HTT: variants seen among roughly 807,000 people sequenced by gnomAD.
HTT encodes huntington disease protein.
HTT carries 104 observed loss-of-function variants against 362.3 expected under a neutral mutation model. The ratio of observed to expected loss-of-function variants is 0.29; its 90% CI spans 0.24 to 0.34. The LOEUF is 0.34. HTT is among the 10% of genes least tolerant of loss of function. The probability of loss-of-function intolerance (pLI) is 1.00; values close to 1 mark genes in which losing one functional copy is unlikely to be tolerated. For missense variants in HTT, 3,301 were observed against 3,928.6 expected (o/e 0.84, Z 4.27); for synonymous variants, 1,577 against 1,548.7 (o/e 1.02, Z -0.43).
At chr4:3,175,138 C>T (rs200934142) in intron 33 of HTT, 31 bp downstream of exon 33, 169 of 1,583,780 alleles carry the variant, frequency 1.1e-4, no homozygotes, top group Non-Finnish European at 1.4e-4. Context: ...ATCCATCATA[C>T]CTGTTCCTAA....
chr4:3,156,994 T>C (rs1053773940), intron 27 of HTT, 78 bp from the exon 28 acceptor site: 1 of 1,201,966 alleles, frequency 8.3e-7, no homozygotes, highest in East Asian at 2.4e-5. Flanking sequence ...TAAAAAATCA[T>C]GATTTCCAGT....
chr4:3,188,907 T>C (rs750845253), intron 39 of HTT, 44 bp from the exon 40 acceptor site: 9 of 1,590,714 alleles, frequency 5.7e-6, no homozygotes, highest in Non-Finnish European at 6.0e-6. Flanking sequence ...AAGTGCTTTA[T>C]AGTAGTCACC....
At chr4:3,236,338 C>T in intron 64 of HTT, 84 bp downstream of exon 64, 3 of 937,878 alleles carry the variant, frequency 3.2e-6, no homozygotes, top group Non-Finnish European at 5.3e-6. Flanking sequence ...GTCTGCTGAT[C>T]CCCTGGCGCT....
At chr4:3,182,851 T>C (rs1243180821) in intron 37 of HTT, among the ~76,000 whole-genome samples, 1 of 152,188 alleles carries the variant, frequency 6.6e-6, no homozygotes, top group African/African-American at 2.4e-5. Context: ...TTTTGTTACC[T>C]TACTGCTTGT....
rs2298970 is a variant in HTT at position 3,185,116 on chromosome 4, A to G, written c.4867-1481A>G. On this transcript the variant is annotated intron_variant, in intron 37 of 66. Transcript: ENST00000355072. ...GGAGAGAGACTTGGGAAAAGGTTTT[A>G]CTTGAAGAGGGAACGGAGAAATAGG... 1.1e-4 allele frequency among the ~76,000 whole-genome samples: 16 copies of G among 152,282 alleles called. No homozygotes were observed. In the East Asian group the frequency reaches 3.1e-3, roughly 29 times the overall value.
chr4:3,229,522 G>A (rs1356861786), intron 59 of HTT, among the ~76,000 whole-genome samples: 1 of 129,702 alleles, frequency 7.7e-6, no homozygotes, highest in Non-Finnish European at 1.6e-5. Context: ...CCACACACAT[G>A]TACGCACCAC....
In HTT at chr4:3,188,905, T is replaced by C. The variant is rs189897787; in HGVS notation, c.5226-46T>C. 3.2e-4 allele frequency: 501 copies of C among 1,588,596 alleles called. No individual in the cohort carries two copies. In the African/African-American group the frequency reaches 5.8e-3, roughly 18 times the overall value. On this transcript the variant is annotated intron_variant, in intron 39 of 66. Coordinates refer to ENST00000355072, the MANE Select transcript of HTT (RefSeq NM_001388492.1). Reference sequence around the variant, plus strand: ...TCATGTATACTTGGCGTAAGTGCTTTATAGTAGTCACCTAATTCACTGTCA... The same window carrying C: ...TCATGTATACTTGGCGTAAGTGCTTCATAGTAGTCACCTAATTCACTGTCA...
At chr4:3,150,536 C>T (rs1490029822) in intron 26 of HTT, among the ~76,000 whole-genome samples, 1 of 152,172 alleles carries the variant, frequency 6.6e-6, no homozygotes, top group South Asian at 2.1e-4. Context: ...TTCTGTCCTC[C>T]TCCCCACATC....
At chr4:3,099,068 A>T (rs570518138) in intron 2 of HTT, among the ~76,000 whole-genome samples, 1 of 152,296 alleles carries the variant, frequency 6.6e-6, no homozygotes, top group Non-Finnish European at 1.5e-5. Context: ...TATCATCCTA[A>T]TTTAGTGTGA....
In HTT at chr4:3,206,610, C is replaced by G; in HGVS notation, c.5833C>G (p.Arg1945Gly). The change falls in exon 43 of 67, where the codon CGG becomes GGG. Residue 1945 changes from arginine to glycine, a missense_variant. This residue lies in a region of HTT where 2,316 missense variants were observed against 2,658.5 expected (regional missense o/e 0.87). Transcript: ENST00000355072. This position sits in a 1 kb window ranked among gnomAD's most constrained non-coding sequence, Gnocchi z 4.6. Reference sequence around the variant, plus strand: ...ACAGGACTTCATCAGTGCCGTTCATCGGAACTCTGCTGCCAGCGGCCTGTT... The same window carrying G: ...ACAGGACTTCATCAGTGCCGTTCATGGGAACTCTGCTGCCAGCGGCCTGTT... The part of the protein sequence containing the change: ...PVQDFISAVH[R>G]NSAASGLFIQ... 6.2e-7 allele frequency: 1 copy of G among 1,614,148 alleles called. No individual in the cohort carries two copies. Among genetic ancestry groups the G allele is most frequent in the South Asian group, 1.1e-5 (1 of 91,082 alleles).
intron 1 of HTT, among the ~76,000 whole-genome samples, chr4:3,080,245 C>G (rs2110135286): frequency 6.6e-6 from 1 of 152,030 alleles, no homozygotes; most frequent in African/African-American, 2.4e-5. Context: ...CAGGCGTATA[C>G]CACCATGCCC....
intron 8 of HTT, among the ~76,000 whole-genome samples, chr4:3,116,869 C>A (rs928656698): frequency 7.9e-5 from 12 of 152,274 alleles, no homozygotes; most frequent in African/African-American, 1.9e-4. Flanking sequence ...AACCATGCAG[C>A]CTCATTTTAA....
At chr4:3,161,018 C>T (rs1038320192) in intron 29 of HTT, among the ~76,000 whole-genome samples, 2 of 152,036 alleles carry the variant, frequency 1.3e-5, no homozygotes, top group Non-Finnish European at 2.9e-5. Context: ...GTTTGCTGCA[C>T]CCATCAACCC....
At chr4:3,220,122 C>T in intron 52 of HTT, 60 bp from the exon 53 acceptor site, 3 of 1,593,944 alleles carry the variant, frequency 1.9e-6, no homozygotes. Context: ...TTCCTGCTTC[C>T]TCACAGTATG....
chr4:3,166,848 G>C (rs1205595673), intron 29 of HTT, among the ~76,000 whole-genome samples: 1 of 152,242 alleles, frequency 6.6e-6, no homozygotes, highest in Non-Finnish European at 1.5e-5. Context: ...GTCACTCATG[G>C]CTTCCTTTGG....
At position 3,135,938 on chromosome 4, in the gene HTT, T is replaced by A. The variant is rs1484796800; in HGVS notation, c.2668T>A (p.Leu890Ile). The change falls in exon 20 of 67, where the codon TTA (leucine) becomes ATA (isoleucine). Residue 890 changes from leucine to isoleucine, a missense_variant. Leu to Ile is a conservative substitution (Grantham distance 5). Transcript: ENST00000355072. ...CTTTTTGGAGGCAAAAGCAGAAAAC[T>A]TACACAGAGGGGCTCATCATTATAC... ...VSFLEAKAEN[L>I]HRGAHHYTGL... 1 of 1,604,110 alleles carries A rather than the reference T, an allele frequency of 6.2e-7. No homozygotes were observed. Among genetic ancestry groups the A allele is most frequent in the Non-Finnish European group, 8.5e-7 (1 of 1,176,918 alleles).
chr4:3,116,029 C>T (rs1333022357), intron 7 of HTT, 56 bp from the exon 8 acceptor site: 51 of 1,475,206 alleles, frequency 3.5e-5, no homozygotes, highest in East Asian at 1.4e-4. Context: ...CAGATTAAGC[C>T]GGGAATCTCC....
intron 2 of HTT, among the ~76,000 whole-genome samples, chr4:3,087,554 T>C (rs1004061783): frequency 6.6e-5 from 10 of 152,196 alleles, no homozygotes; most frequent in African/African-American, 1.9e-4. Context: ...CACCTTCTTT[T>C]GTAGCTGCTT....
Position 3,228,507 on chromosome 4 carries a change from G to C in HTT, c.7849-108G>C, listed in dbSNP as rs535109858. On this transcript the variant is annotated intron_variant, in intron 57 of 66. Transcript: ENST00000355072. The surrounding 1 kb of genome is among the most constrained non-coding windows in gnomAD (Gnocchi z 4.3). ...GTGTCTGAACGACCCTTGCTAAGGG[G>C]CAGACTGTTAGACGGTAGGCATGTG... 17 of 1,289,886 alleles carry C rather than the reference G, an allele frequency of 1.3e-5. No homozygotes were observed. The Admixed American group carries it at 4.3e-4, about 32-fold the overall frequency. The allele number at this position is 1,289,886 out of a possible 1,614,324, so 79.9% of individuals were successfully genotyped here. A position where few individuals can be genotyped will look rare whatever the true frequency, so the allele number is the denominator to read the frequency against.
Sources: gnomAD v4.1 joint callset for allele counts (sites outside exome capture counted in the v4.1 genomes callset) on GRCh38, gnomAD v4.1.1 for gene constraint, gnomAD v4.1.1 regional missense constraint, Gnocchi (gnomAD v3.1) non-coding constraint, MANE v1.5 for transcripts, NCBI Gene and HGNC (gene_info 2026-07-23, HGNC 2026-07-21) for gene names.